Variants in OPRM1 observed in about 807,000 individuals in gnomAD.
The protein encoded by OPRM1 is mu-type opioid receptor.
Under a neutral mutation model 31.8 loss-of-function variants are expected in OPRM1, and 27 were observed. That is an observed-to-expected ratio of 0.85 (90% CI 0.63 to 1.17). The LOEUF is 1.17. Among genes scored for constraint, OPRM1 ranks in the 50% most tolerant of loss-of-function variants. OPRM1 has a pLI of 0.00. For synonymous variants in OPRM1, 196 were observed against 189.9 expected, an observed-to-expected ratio of 1.03 and a Z score of -0.26; for missense variants, 536 against 511.1, an observed-to-expected ratio of 1.05 and a Z score of -0.47.
intron 1 of OPRM1, among the ~76,000 whole-genome samples, chr6:154,018,273 A>G (rs2128379257): frequency 6.6e-6 from 1 of 152,206 alleles, no homozygotes; most frequent in African/African-American, 2.4e-5. Context: ...ATAAAGAATT[A>G]GCCAGGCATG....
At chr6:154,197,631 T>C (rs1342690178) in intron 3 of OPRM1, among the ~76,000 whole-genome samples, 1 of 152,178 alleles carries the variant, frequency 6.6e-6, no homozygotes, top group Non-Finnish European at 1.5e-5. Context: ...AAAGGGCTGG[T>C]GGTACCCAGC....
At chr6:154,096,302 C>T (rs139717860) in intron 3 of OPRM1, among the ~76,000 whole-genome samples, 4 of 152,246 alleles carry the variant, frequency 2.6e-5, no homozygotes, top group East Asian at 1.9e-4. Flanking sequence ...CCAAGTGATC[C>T]GCCCACCTCA....
intron 3 of OPRM1, among the ~76,000 whole-genome samples, chr6:154,160,536 T>C (rs1012302443): frequency 6.6e-6 from 1 of 152,214 alleles, no homozygotes; most frequent in Non-Finnish European, 1.5e-5. Context: ...ACAGAATAAA[T>C]ACACAGATTA....
At chr6:154,170,958 A>G (rs1431808166) in intron 3 of OPRM1, among the ~76,000 whole-genome samples, 2 of 151,834 alleles carry the variant, frequency 1.3e-5, no homozygotes. Flanking sequence ...GCAGCCTTGA[A>G]CTCCTGGACT....
intron 3 of OPRM1, among the ~76,000 whole-genome samples, chr6:154,227,314 A>G (rs1779335266): frequency 6.6e-6 from 1 of 152,270 alleles, no homozygotes; most frequent in African/African-American, 2.4e-5. Context: ...ATTAGTTTCT[A>G]GACAACTCAT....
chr6:154,200,781 C>T (rs1400754458), intron 3 of OPRM1, among the ~76,000 whole-genome samples: 2 of 152,076 alleles, frequency 1.3e-5, no homozygotes, highest in African/African-American at 4.8e-5. Flanking sequence ...GAACTTAAAC[C>T]CTTGAATATC....
intron 3 of OPRM1, among the ~76,000 whole-genome samples, chr6:154,167,110 T>C (rs190696636): frequency 3.9e-4 from 60 of 152,332 alleles, no homozygotes; most frequent in African/African-American, 1.2e-3. Context: ...CTTAAGTTCT[T>C]AATGCCAAAG....
chr6:154,047,550 C>T (rs1781371701), intron 1 of OPRM1, among the ~76,000 whole-genome samples: 1 of 151,708 alleles, frequency 6.6e-6, no homozygotes. Context: ...TGTTGTATTC[C>T]AAATCTGATG....
At chr6:154,169,165 A>G (rs1003538187) in intron 3 of OPRM1, among the ~76,000 whole-genome samples, 18 of 152,042 alleles carry the variant, frequency 1.2e-4, no homozygotes, top group Non-Finnish European at 1.8e-4. Flanking sequence ...GTTTGAGACC[A>G]CACTTGACAA....
chr6:154,240,106 A>T (rs1483296230), intron 3 of OPRM1, among the ~76,000 whole-genome samples: 2 of 152,218 alleles, frequency 1.3e-5, no homozygotes, highest in Non-Finnish European at 2.9e-5. Context: ...AAAAGCCCAT[A>T]ATTCTCATTT....
chr6:154,076,153 A>C (rs1047947697), intron 1 of OPRM1, among the ~76,000 whole-genome samples: 2 of 152,206 alleles, frequency 1.3e-5, no homozygotes, highest in Non-Finnish European at 2.9e-5. Context: ...GCACCCTGTA[A>C]AAGAATCAAT....
chr6:154,179,177 G>C (rs912008088), intron 3 of OPRM1, among the ~76,000 whole-genome samples: 1 of 152,078 alleles, frequency 6.6e-6, no homozygotes, highest in Non-Finnish European at 1.5e-5. Flanking sequence ...GACCCAAAAG[G>C]TACAAGTGCA....
At chr6:154,133,506 C>T (rs1228027256), downstream of OPRM1, among the ~76,000 whole-genome samples, 1 of 152,196 alleles carries the variant, frequency 6.6e-6, no homozygotes, top group East Asian at 1.9e-4. Context: ...TCTTCAGGTA[C>T]ACATATGCAT....
At chr6:154,114,686 C>T (rs553612415) in intron 3 of OPRM1, among the ~76,000 whole-genome samples, 83 of 152,108 alleles carry the variant, frequency 5.5e-4, no homozygotes, top group African/African-American at 1.9e-3. Context: ...ATGTCTGTAA[C>T]AGCCAGGACT....
At chr6:154,151,269 G>C (rs1205423404) in intron 3 of OPRM1, among the ~76,000 whole-genome samples, 2 of 152,230 alleles carry the variant, frequency 1.3e-5, no homozygotes, top group African/African-American at 4.8e-5. Flanking sequence ...GCTTTCAGAA[G>C]GGAGTGAGGG....
chr6:154,134,491 G>A (rs371096105), downstream of OPRM1, among the ~76,000 whole-genome samples: 6 of 152,232 alleles, frequency 3.9e-5, no homozygotes, highest in South Asian at 2.1e-4. Flanking sequence ...CTGAAGCTGC[G>A]CCTGAATCAC....
At position 154,108,101 on chromosome 6, in the gene OPRM1, G is replaced by C. The variant is rs747157195; in HGVS notation, c.1165-10582G>C. On this transcript the variant is annotated intron_variant, in intron 3 of 3. Coordinates refer to ENST00000330432, the MANE Select transcript of OPRM1 (RefSeq NM_000914.5). ...GCTTCTGGGTTCCCTTTCCCTGAGC[G>C]GCCCTAGTGATCCGGCTTGCGGCAC... The C allele has an allele frequency of 3.1e-5, 19 of 618,802 alleles. No individual in the cohort carries two copies. In the East Asian group the frequency reaches 5.5e-4, roughly 18 times the overall value. The allele number at this position is 618,802 out of a possible 1,614,324, so 38.3% of individuals were successfully genotyped here.
rs570428666 is a variant in OPRM1, at chr6:154,091,038, A to G, written c.730A>G (p.Ile244Val). Residue 244 changes from isoleucine to valine, a missense_variant, in exon 3 of 4, where the codon ATT (isoleucine) becomes GTT (valine). Ile to Val is a conservative substitution (Grantham distance 29). Coordinates refer to ENST00000330432, the MANE Select transcript of OPRM1 (RefSeq NM_000914.5). ...LKICVFIFAF[I>V]MPVLIITVCY... ...GATCTGTGTTTTCATCTTCGCCTTC[A>G]TTATGCCAGTGCTCATCATTACCGT... The G allele has an allele frequency of 2.5e-6, 4 of 1,614,176 alleles. No homozygotes were observed. Among genetic ancestry groups the G allele is most frequent in the African/African-American group, 1.3e-5 (1 of 75,038 alleles).
intron 3 of OPRM1, among the ~76,000 whole-genome samples, chr6:154,178,884 C>A (rs1800586656): frequency 6.6e-6 from 1 of 152,184 alleles, no homozygotes; most frequent in Non-Finnish European, 1.5e-5. Flanking sequence ...CCTCTAATAA[C>A]CTGATTCCAG....
Sources: gnomAD v4.1 joint callset for allele counts (sites outside exome capture counted in the v4.1 genomes callset) on GRCh38, gnomAD v4.1.1 for gene constraint, MANE v1.5 for transcripts, NCBI Gene and HGNC (gene_info 2026-07-23, HGNC 2026-07-21) for gene names.